MAML2: variants seen among roughly 807,000 people sequenced by gnomAD.
MAML2 encodes the protein mastermind like transcriptional coactivator 2.
Under a neutral mutation model 96.1 loss-of-function variants are expected in MAML2, and 22 were observed. The ratio of observed to expected loss-of-function variants is 0.23; its 90% CI spans 0.16 to 0.33. The LOEUF is 0.33. Ranked by LOEUF, MAML2 falls within the 10% of genes least tolerant of loss-of-function variation. MAML2 has a pLI of 1.00. For missense variants in MAML2, 1,367 were observed against 1,392.4 expected, an observed-to-expected ratio of 0.98 and a Z score of 0.29; for synonymous variants, 561 against 521.3, an observed-to-expected ratio of 1.08 and a Z score of -1.04.
At position 96,328,125 on chromosome 11, in the gene MAML2, G is replaced by A. The variant is rs74880353; in HGVS notation, c.513+13258C>T. On this transcript the variant is annotated intron_variant, in intron 1 of 4. Coordinates refer to ENST00000524717, the MANE Select transcript of MAML2 (RefSeq NM_032427.4). Reference sequence around the variant, plus strand: ...AAATAATAACAATCAAAAACAAAGCGCATATGTGTGTGTGCATGTGTGTAT... The same window carrying A: ...AAATAATAACAATCAAAAACAAAGCACATATGTGTGTGTGCATGTGTGTAT... Among the ~76,000 whole-genome samples the A allele has an allele frequency of 8.0e-3, 1,220 of 152,114 alleles. 19 individuals are homozygous for A. The highest frequency in any genetic ancestry group is 0.028 in the African/African-American group (1,148 of 41,476).
rs897140969 is a variant in MAML2 at position 95,977,978 on chromosome 11, T to C, written c.*970A>G. 4.5e-6 allele frequency: 1 copy of C among 221,812 alleles called. No individual in the cohort carries two copies. Among genetic ancestry groups the C allele is most frequent in the African/African-American group, 2.2e-5 (1 of 44,748 alleles). The allele number at this position is 221,812 out of a possible 1,614,324, so 13.7% of individuals were successfully genotyped here. A position where few individuals can be genotyped will look rare whatever the true frequency, so the allele number is the denominator to read the frequency against. On this transcript the variant is annotated 3_prime_UTR_variant, in exon 5 of 5. Transcript: ENST00000524717. ...CTAATCTCGGTTTTCTTCTCCAAAC[T>C]TCCTTTTCTTATAAACCAGCCTCAG...
At chr11:95,981,862 A>C (rs983362445) in intron 4 of MAML2, among the ~76,000 whole-genome samples, 17 of 152,170 alleles carry the variant, frequency 1.1e-4, no homozygotes, top group Non-Finnish European at 2.4e-4. Flanking sequence ...AAAAATTATC[A>C]CCTGTAGTCG....
intron 1 of MAML2, among the ~76,000 whole-genome samples, chr11:96,258,074 G>C (rs1001943979): frequency 2.0e-5 from 3 of 152,116 alleles, no homozygotes; most frequent in Admixed American, 1.3e-4. Context: ...ATAGGTTTGT[G>C]GCTCTTGACA....
At chr11:96,070,346 C>T (rs1023255781) in intron 2 of MAML2, among the ~76,000 whole-genome samples, 1 of 152,164 alleles carries the variant, frequency 6.6e-6, no homozygotes, top group Non-Finnish European at 1.5e-5. Context: ...AGGGCTGAAA[C>T]ATGCCCCTTG....
At chr11:96,061,345 G>A (rs778012874) in intron 2 of MAML2, among the ~76,000 whole-genome samples, 1 of 152,178 alleles carries the variant, frequency 6.6e-6, no homozygotes. Context: ...AAGGACAGAA[G>A]TTCACATGAC....
intron 1 of MAML2, among the ~76,000 whole-genome samples, chr11:96,286,269 A>G (rs1863138112): frequency 6.6e-6 from 1 of 152,224 alleles, no homozygotes. Flanking sequence ...GTGGGAGCTG[A>G]ATGACGAGAA....
intron 3 of MAML2, among the ~76,000 whole-genome samples, chr11:95,988,353 G>T (rs1437813218): frequency 3.3e-5 from 5 of 151,356 alleles, no homozygotes; most frequent in African/African-American, 1.2e-4. Flanking sequence ...CTGCCTCCCA[G>T]GTTCAAGCGA....
intron 1 of MAML2, among the ~76,000 whole-genome samples, chr11:96,261,551 C>T (rs1234128608): frequency 6.6e-6 from 1 of 152,140 alleles, no homozygotes; most frequent in Non-Finnish European, 1.5e-5. Flanking sequence ...CCTTATTTTC[C>T]TACATGAGCC....
chr11:96,300,454 C>T (rs1052586814), intron 1 of MAML2, among the ~76,000 whole-genome samples: 1 of 152,098 alleles, frequency 6.6e-6, no homozygotes, highest in Non-Finnish European at 1.5e-5. Flanking sequence ...CAGTTTGGAA[C>T]TAGGATAATG....
chr11:96,007,950 G>A (rs1040372842), intron 2 of MAML2, among the ~76,000 whole-genome samples: 2 of 149,872 alleles, frequency 1.3e-5, no homozygotes, highest in South Asian at 2.1e-4. Context: ...TGGGTGCAGC[G>A]CACCAGCATG....
intron 2 of MAML2, among the ~76,000 whole-genome samples, chr11:96,022,479 G>A (rs763944934): frequency 2.6e-5 from 4 of 152,202 alleles, no homozygotes; most frequent in African/African-American, 4.8e-5. Flanking sequence ...TTGGTGGGAA[G>A]GGTAGAGAAG....
Position 95,979,440 on chromosome 11 carries a change from G to C in MAML2, c.2979C>G (p.Ala993=), listed in dbSNP as rs1380579752. The C allele has an allele frequency of 6.2e-7, 1 of 1,613,618 alleles. No individual in the cohort carries two copies. ...GTTGCAGTGACTGATTTGGGGTATA[G>C]GCTGCAGGTGTACCTGTGGGGAAGC... ...GVRFPTGTPA[A]YTPNQSLQQA... The change falls in exon 5 of 5, where the codon GCC becomes GCG. Residue 993 remains alanine (A), a synonymous_variant. Transcript: ENST00000524717.
At chr11:96,295,768 G>A (rs1434397581) in intron 1 of MAML2, among the ~76,000 whole-genome samples, 2 of 146,056 alleles carry the variant, frequency 1.4e-5, no homozygotes, top group Admixed American at 1.4e-4. Flanking sequence ...CCTGATGGTA[G>A]TGTTAAAAAT....
chr11:96,093,739 A>G (rs7113883), intron 1 of MAML2, among the ~76,000 whole-genome samples: 151,425 of 152,342 alleles, frequency 0.99, 75,265 homozygotes, highest in Middle Eastern at 1. Flanking sequence ...GGAGGAGCAG[A>G]TCAATTAGGT....
intron 1 of MAML2, among the ~76,000 whole-genome samples, chr11:96,281,129 A>G (rs767480018): frequency 6.6e-6 from 1 of 152,210 alleles, no homozygotes; most frequent in East Asian, 1.9e-4. Flanking sequence ...GTATCAAAAG[A>G]CTGAACATTC....
chr11:96,067,746 T>C (rs1248917689), intron 2 of MAML2, among the ~76,000 whole-genome samples: 1 of 152,196 alleles, frequency 6.6e-6, no homozygotes, highest in Non-Finnish European at 1.5e-5. Context: ...AACAGAGACA[T>C]GACAACGCAT....
chr11:96,261,030 A>C (rs1862742039), intron 1 of MAML2, among the ~76,000 whole-genome samples: 1 of 152,066 alleles, frequency 6.6e-6, no homozygotes, highest in Non-Finnish European at 1.5e-5. Flanking sequence ...TCATTACTCT[A>C]TGCTATGGTT....
chr11:96,025,347 T>C (rs962225000), intron 2 of MAML2, among the ~76,000 whole-genome samples: 15 of 152,112 alleles, frequency 9.9e-5, no homozygotes, highest in Admixed American at 2.6e-4. Flanking sequence ...GAGCTAAGCA[T>C]TGGGTACACA....
At chr11:96,063,724 G>A (rs1206280885) in intron 2 of MAML2, among the ~76,000 whole-genome samples, 1 of 152,040 alleles carries the variant, frequency 6.6e-6, no homozygotes, top group African/African-American at 2.4e-5. Context: ...GAGCTATATT[G>A]TTTCTCAAAT....
Sources: gnomAD v4.1 joint callset for allele counts (sites outside exome capture counted in the v4.1 genomes callset) on GRCh38, gnomAD v4.1.1 for gene constraint, MANE v1.5 for transcripts, NCBI Gene and HGNC (gene_info 2026-07-23, HGNC 2026-07-21) for gene names.